Variants in PVT1 observed in about 807,000 individuals in gnomAD.
The protein encoded by PVT1 is Pvt1 oncogene.
At chr8:127,817,758 G>A (rs1441755180) in intron 2 of PVT1, among the ~76,000 whole-genome samples, 2 of 151,452 alleles carry the variant, frequency 1.3e-5, no homozygotes, top group Non-Finnish European at 2.9e-5. Flanking sequence ...GCTGGGTGTG[G>A]TGGCATGTGC....
At chr8:128,092,741 C>T (rs1467929344) in intron 5 of PVT1, among the ~76,000 whole-genome samples, 1 of 152,188 alleles carries the variant, frequency 6.6e-6, no homozygotes, top group Non-Finnish European at 1.5e-5. Context: ...TGGCCAGCCT[C>T]ACCCTGCATT....
Position 127,876,092 on chromosome 8 carries a change from T to C in PVT1, n.373-14497T>C, listed in dbSNP as rs549553681. Among the ~76,000 whole-genome samples the C allele has an allele frequency of 1.6e-4, 25 of 152,310 alleles. No individual in the cohort carries two copies. In the South Asian group the frequency reaches 2.1e-3, roughly 13 times the overall value. ...ACGGGGTTGGGCCTCCGGATCTGCATTGGAGCAAGTCCACAGGTGGTGCTT... is the reference window on the plus strand; with the variant it reads ...ACGGGGTTGGGCCTCCGGATCTGCACTGGAGCAAGTCCACAGGTGGTGCTT... On this transcript the variant is annotated intron_variant and non_coding_transcript_variant, in intron 2 of 10. Transcript: ENST00000651587.
At chr8:127,875,955 G>T (rs865898167) in intron 2 of PVT1, among the ~76,000 whole-genome samples, 1 of 152,232 alleles carries the variant, frequency 6.6e-6, no homozygotes, top group African/African-American at 2.4e-5. Flanking sequence ...TAAGTCCTCT[G>T]AAACAGGGTT....
At chr8:127,864,554 TC>T (rs1815265610) in intron 2 of PVT1, among the ~76,000 whole-genome samples, 2 of 152,032 alleles carry the variant, frequency 1.3e-5, no homozygotes, top group Non-Finnish European at 2.9e-5. Flanking sequence ...GATATTTCTT[TC>T]TTTTTTTTTT....
rs140919762 is a variant in PVT1 at position 127,953,649 on chromosome 8, A to G, written n.783-35513A>G. ...TTTGCTTCCATTTTACAGATAAAAA[A>G]GCTGAGACTGAAACTCTAACTTGCA... On this transcript the variant is annotated intron_variant and non_coding_transcript_variant, in intron 3 of 10. Transcript: ENST00000651587. Among the ~76,000 whole-genome samples, 5 of 152,344 alleles carry G rather than the reference A, an allele frequency of 3.3e-5. No individual in the cohort carries two copies. In the East Asian group the frequency reaches 9.6e-4, roughly 29 times the overall value.
intron 3 of PVT1, among the ~76,000 whole-genome samples, chr8:127,924,210 G>A (rs2129871938): frequency 6.6e-6 from 1 of 152,186 alleles, no homozygotes; most frequent in South Asian, 2.1e-4. Context: ...CATCATTGCT[G>A]GTGTTATTCC....
intron 4 of PVT1, among the ~76,000 whole-genome samples, chr8:128,033,665 AG>A (rs1250738236): frequency 2.6e-5 from 4 of 152,196 alleles, no homozygotes; most frequent in Admixed American, 6.5e-5. Flanking sequence ...GGGCCTCACC[AG>A]TTCAGCGAAA....
chr8:128,089,444 A>G (rs769788447), intron 5 of PVT1, among the ~76,000 whole-genome samples: 10 of 152,116 alleles, frequency 6.6e-5, no homozygotes, highest in Non-Finnish European at 1.3e-4. Context: ...AGTAATCCCA[A>G]TCATGAGGAG....
chr8:127,850,225 G>C lies in PVT1; in HGVS notation n.373-40364G>C, dbSNP rs186288710. Among the ~76,000 whole-genome samples, 4 of 152,300 alleles carry C rather than the reference G, an allele frequency of 2.6e-5. No homozygotes were observed. The East Asian group carries it at 5.8e-4, about 22-fold the overall frequency. ...ACCCACCCTAGGGCAGTTAGGCAAAGGTGTGCCTCCCTTTAAGAGGACCTA... is the reference window on the plus strand; with the variant it reads ...ACCCACCCTAGGGCAGTTAGGCAAACGTGTGCCTCCCTTTAAGAGGACCTA... On this transcript the variant is annotated intron_variant and non_coding_transcript_variant, in intron 2 of 10. Transcript: ENST00000651587.
chr8:127,902,530 C>G (rs1563634719), intron 3 of PVT1, among the ~76,000 whole-genome samples: 1 of 151,184 alleles, frequency 6.6e-6, no homozygotes, highest in Non-Finnish European at 1.5e-5. Flanking sequence ...TGATTGAACT[C>G]ATCACGCAGG....
intron 4 of PVT1, chr8:128,009,766 T>G (rs1231551013): frequency 6.6e-6 from 1 of 152,236 alleles, no homozygotes; most frequent in East Asian, 1.9e-4. Context: ...TTGAGATGAC[T>G]AGCAGGGTAA....
intron 2 of PVT1, among the ~76,000 whole-genome samples, chr8:127,828,645 G>T (rs1814817083): frequency 6.6e-6 from 1 of 152,082 alleles, no homozygotes; most frequent in African/African-American, 2.4e-5. Context: ...TGGGGAGAGG[G>T]ATGTTGAGGA....
At chr8:127,998,227 C>G (rs1329574189) in intron 4 of PVT1, 1 of 152,234 alleles carries the variant, frequency 6.6e-6, no homozygotes, top group Middle Eastern at 3.2e-3. Context: ...TAGCCATCCC[C>G]TAAGAAGAGG....
intron 4 of PVT1, among the ~76,000 whole-genome samples, chr8:128,052,416 ACT>A (rs1202244869): frequency 1.3e-5 from 2 of 151,840 alleles, no homozygotes; most frequent in Non-Finnish European, 1.5e-5. Context: ...GTGATGTGAA[ACT>A]CTTATTCCTA....
chr8:128,054,069 G>A (rs1322074423), intron 4 of PVT1, among the ~76,000 whole-genome samples: 2 of 152,224 alleles, frequency 1.3e-5, no homozygotes, highest in South Asian at 2.1e-4. Flanking sequence ...CATATCTGCT[G>A]GTGACTATAG....
chr8:127,869,401 G>A (rs759066937), intron 2 of PVT1, among the ~76,000 whole-genome samples: 1 of 152,150 alleles, frequency 6.6e-6, no homozygotes, highest in Non-Finnish European at 1.5e-5. Context: ...AAAGTGCTGG[G>A]ATTACAGGTG....
intron 3 of PVT1, among the ~76,000 whole-genome samples, chr8:127,946,255 A>G (rs889203541): frequency 6.6e-6 from 1 of 152,226 alleles, no homozygotes; most frequent in African/African-American, 2.4e-5. Context: ...TGCCTAATAT[A>G]TCAGACACTC....
At chr8:127,990,765 T>C (rs950035429) in intron 4 of PVT1, among the ~76,000 whole-genome samples, 1 of 152,240 alleles carries the variant, frequency 6.6e-6, no homozygotes, top group Admixed American at 6.5e-5. Flanking sequence ...TCCTGTGGCA[T>C]GCAGAGGTGA....
At chr8:128,016,645 G>A (rs568854716) in intron 4 of PVT1, among the ~76,000 whole-genome samples, 10 of 152,310 alleles carry the variant, frequency 6.6e-5, no homozygotes, top group African/African-American at 1.9e-4. Flanking sequence ...GAGACAGCAC[G>A]AATTCTCCTA....
Sources: allele counts gnomAD v4.1 joint callset (sites outside exome capture counted in the v4.1 genomes callset), GRCh38; gene constraint gnomAD v4.1.1; transcripts MANE v1.5; gene names NCBI Gene and HGNC (gene_info 2026-07-23, HGNC 2026-07-21).